Variants in ASIC2 observed in about 807,000 individuals in gnomAD.
ASIC2 encodes the protein acid sensing ion channel subunit 2, also known as acid-sensing ion channel 2.
In ASIC2, 25 loss-of-function variants were observed where a neutral mutation model predicts 57.3. That is an observed-to-expected ratio of 0.44 (90% confidence interval 0.32 to 0.61). The LOEUF is 0.61. ASIC2 is among the 20% of genes least tolerant of loss of function. ASIC2 has a pLI of 0.06. For missense variants in ASIC2, 641 were observed against 738.1 expected (o/e 0.87, Z 1.52); for synonymous variants, 319 against 307.5 (o/e 1.04, Z -0.39).
intron 1 of ASIC2, among the ~76,000 whole-genome samples, chr17:33,478,332 G>A (rs559717646): frequency 1.3e-5 from 2 of 152,344 alleles, no homozygotes; most frequent in Admixed American, 6.5e-5. Context: ...GGGAATCCAA[G>A]TTTAACTTCC....
At chr17:33,486,885 A>T (rs1178447372) in intron 1 of ASIC2, among the ~76,000 whole-genome samples, 1 of 152,192 alleles carries the variant, frequency 6.6e-6, no homozygotes, top group East Asian at 1.9e-4. Context: ...GGACAAGGGC[A>T]GTGCTGAGTT....
chr17:34,039,686 G>A (rs1301199579), intron 1 of ASIC2: 23 of 1,612,010 alleles, frequency 1.4e-5, no homozygotes, highest in East Asian at 8.9e-5. Flanking sequence ...TTTCTTTTCC[G>A]ATTTCGCTGG....
chr17:33,754,286 C>T (rs1031427721), intron 1 of ASIC2, among the ~76,000 whole-genome samples: 1 of 152,004 alleles, frequency 6.6e-6, no homozygotes, highest in African/African-American at 2.4e-5. Context: ...AGAGTCCATC[C>T]GAGTTGGCAG....
intron 1 of ASIC2, among the ~76,000 whole-genome samples, chr17:33,434,440 A>G (rs1423794042): frequency 6.6e-6 from 1 of 152,190 alleles, no homozygotes; most frequent in Admixed American, 6.5e-5. Context: ...AAGAAGAAAA[A>G]ATTATTTAGG....
At chr17:33,391,508 A>G (rs999966516) in intron 1 of ASIC2, among the ~76,000 whole-genome samples, 2 of 152,176 alleles carry the variant, frequency 1.3e-5, no homozygotes, top group African/African-American at 4.8e-5. Flanking sequence ...GTTTTTTACA[A>G]TATCCCAGAG....
At chr17:33,464,540 C>CTTTCTCTTTCTTTCTTTCTTTCTTTCTT (rs59312185) in intron 1 of ASIC2, among the ~76,000 whole-genome samples, 2 of 49,402 alleles carry the variant, frequency 4.0e-5, no homozygotes, top group African/African-American at 1.6e-4. Context: ...TTCTTTCTTT[C>CTTTCTCTTTCTTTCTTTCTTTCTTTCTT]TCTTTCTTTC....
chr17:33,082,394 T>G (rs1438215803), intron 3 of ASIC2, among the ~76,000 whole-genome samples: 2 of 152,192 alleles, frequency 1.3e-5, no homozygotes, highest in Non-Finnish European at 2.9e-5. Flanking sequence ...GAAAGGCTTC[T>G]GATATCAAAT....
chr17:33,560,513 C>T (rs1433970302), intron 1 of ASIC2, among the ~76,000 whole-genome samples: 1 of 152,160 alleles, frequency 6.6e-6, no homozygotes, highest in Non-Finnish European at 1.5e-5. Flanking sequence ...AGCAATGTAT[C>T]TAGGACCTTT....
chr17:33,471,934 A>C (rs1031466204), intron 1 of ASIC2, among the ~76,000 whole-genome samples: 1 of 152,166 alleles, frequency 6.6e-6, no homozygotes, highest in African/African-American at 2.4e-5. Context: ...ACAAATGAGG[A>C]AACTGAGGCT....
rs1036826787 is a variant in ASIC2, at chr17:34,039,924, C to G, written c.555+116054G>C. ...CTCCACGCTCCTCCCTGGAGGGACC[C>G]CGACCCGACCCGGCTGCGGACCGCT... On this transcript the variant is annotated intron_variant, in intron 1 of 9. Transcript: ENST00000359872. 2.7e-6 allele frequency: 4 copies of G among 1,468,290 alleles called. No individual in the cohort carries two copies. The East Asian group carries it at 9.1e-5, about 34-fold the overall frequency. The allele number at this position is 1,468,290 out of a possible 1,614,324, so 91.0% of individuals were successfully genotyped here.
intron 1 of ASIC2, among the ~76,000 whole-genome samples, chr17:33,682,498 A>G (rs1908042037): frequency 6.6e-6 from 1 of 152,144 alleles, no homozygotes. Flanking sequence ...TCTATCAATT[A>G]GAAATAACAA....
chr17:34,030,641 C>T (rs545884026), intron 1 of ASIC2, among the ~76,000 whole-genome samples: 6 of 152,300 alleles, frequency 3.9e-5, no homozygotes, highest in South Asian at 2.1e-4. Flanking sequence ...CCTGGAAAAT[C>T]GGGTCACTCC....
chr17:33,413,933 A>T (rs1478359214), intron 1 of ASIC2, among the ~76,000 whole-genome samples: 1 of 152,066 alleles, frequency 6.6e-6, no homozygotes, highest in African/African-American at 2.4e-5. Context: ...AGAGCACTCT[A>T]TTTTATCTTA....
intron 1 of ASIC2, among the ~76,000 whole-genome samples, chr17:33,803,807 A>G (rs1256268934): frequency 1.3e-5 from 2 of 151,810 alleles, no homozygotes; most frequent in Non-Finnish European, 2.9e-5. Context: ...CATTCTCCTA[A>G]TTATTGTAAC....
intron 3 of ASIC2, among the ~76,000 whole-genome samples, chr17:33,060,204 G>A (rs911678186): frequency 2.0e-5 from 3 of 152,174 alleles, no homozygotes; most frequent in African/African-American, 7.2e-5. Context: ...TGTAGCCATT[G>A]CTTTTGGTGT....
chr17:33,197,239 T>C (rs1906669499), intron 1 of ASIC2, among the ~76,000 whole-genome samples: 1 of 152,204 alleles, frequency 6.6e-6, no homozygotes, highest in African/African-American at 2.4e-5. Flanking sequence ...GTTTGGTTGT[T>C]GAGCAGCAAG....
At chr17:34,055,687 T>C (rs988820656) in intron 1 of ASIC2, among the ~76,000 whole-genome samples, 1 of 152,218 alleles carries the variant, frequency 6.6e-6, no homozygotes, top group Non-Finnish European at 1.5e-5. Flanking sequence ...TTAAAATTCA[T>C]TTATGTTGTG....
chr17:33,158,759 T>C (rs1905082012), intron 1 of ASIC2, among the ~76,000 whole-genome samples: 1 of 152,224 alleles, frequency 6.6e-6, no homozygotes, highest in Non-Finnish European at 1.5e-5. Flanking sequence ...ACAATCCTTA[T>C]ACCTATTTAT....
intron 1 of ASIC2, among the ~76,000 whole-genome samples, chr17:34,021,499 C>T (rs965836870): frequency 1.3e-5 from 2 of 152,154 alleles, no homozygotes; most frequent in African/African-American, 4.8e-5. Context: ...AATCTCAGCC[C>T]CCAGGCCTGA....
Sources: allele counts gnomAD v4.1 joint callset (sites outside exome capture counted in the v4.1 genomes callset), GRCh38; gene constraint gnomAD v4.1.1; transcripts MANE v1.5; gene names NCBI Gene and HGNC (gene_info 2026-07-23, HGNC 2026-07-21).